Variants in IL1RAP observed in about 807,000 individuals in gnomAD.
IL1RAP encodes interleukin-1 receptor accessory protein.
A neutral mutation model predicts 60.7 loss-of-function variants in IL1RAP; 35 were observed. The observed-to-expected ratio is 0.58, with a 90% CI of 0.44 to 0.76. The LOEUF (loss-of-function observed/expected upper bound fraction) is 0.76, where lower values mean the gene tolerates loss of function less well. Among genes scored for constraint, IL1RAP ranks in the 30% least tolerant of loss-of-function variants. IL1RAP has a pLI of 0.00. For missense variants in IL1RAP, 572 were observed against 693.9 expected (o/e 0.82, Z 1.97); for synonymous variants, 268 against 250.9 (o/e 1.07, Z -0.64).
chr3:190,639,603 T>G (rs1733500785), intron 9 of IL1RAP, among the ~76,000 whole-genome samples: 1 of 152,220 alleles, frequency 6.6e-6, no homozygotes, highest in African/African-American at 2.4e-5. Context: ...TTTGTTCTGT[T>G]TTGATTAGCT....
chr3:190,629,211 T>G, intron 8 of IL1RAP, 139 bp from the exon 9 acceptor site: 1 of 594,292 alleles, frequency 1.7e-6, no homozygotes, highest in Non-Finnish European at 3.0e-6. Context: ...ATCACTGCAT[T>G]ATAGGTGGCT....
downstream of IL1RAP, among the ~76,000 whole-genome samples, chr3:190,652,932 T>C (rs979471698): frequency 1.3e-5 from 2 of 152,154 alleles, no homozygotes; most frequent in African/African-American, 2.4e-5. Flanking sequence ...GATTTTTTTT[T>C]CCAGTATATA....
exon 12 of IL1RAP, chr3:190,657,358 G>A (rs530119342): frequency 3.9e-5 from 6 of 152,288 alleles, no homozygotes; most frequent in African/African-American, 1.4e-4. Flanking sequence ...TATGTAATGG[G>A]AGAGATGTGG....
chr3:190,593,158 T>C (rs919200178), intron 3 of IL1RAP, among the ~76,000 whole-genome samples: 4 of 152,226 alleles, frequency 2.6e-5, no homozygotes, highest in African/African-American at 9.7e-5. Context: ...TTTTCCATTT[T>C]TTTTTCAAAT....
At chr3:190,615,286 G>T in intron 5 of IL1RAP, 1 of 1,262,740 alleles carries the variant, frequency 7.9e-7, no homozygotes, top group South Asian at 1.2e-5. Context: ...AATATACCAT[G>T]TGTATAAATG....
rs190398195 is a variant in IL1RAP at position 190,533,161 on chromosome 3, G to A, written c.-89+18942G>A. On this transcript the variant is annotated intron_variant, in intron 1 of 11. Coordinates refer to ENST00000447382, the MANE Select transcript of IL1RAP (RefSeq NM_002182.4). Reference sequence around the variant, plus strand: ...GGGAACCGTAGGCCCAACATGGCTCGAAAGACTTCATCCAGGATAAGTAGG... The same window carrying A: ...GGGAACCGTAGGCCCAACATGGCTCAAAAGACTTCATCCAGGATAAGTAGG... Among the ~76,000 whole-genome samples the A allele has an allele frequency of 2.0e-3, 311 of 152,268 alleles. 2 individuals carry two copies. The highest frequency in any genetic ancestry group is 7.2e-3 in the African/African-American group (300 of 41,570).
In IL1RAP at chr3:190,648,409, G is replaced by C; in HGVS notation, c.1417G>C (p.Val473Leu). 1.2e-6 allele frequency: 2 copies of C among 1,613,796 alleles called. No individual in the cohort carries two copies. The highest frequency in any genetic ancestry group is 8.5e-7 in the Non-Finnish European group (1 of 1,179,918). Residue 473 changes from valine to leucine, a missense_variant, in exon 12 of 12, where the codon GTG (valine) becomes CTG (leucine). By Grantham distance (32) the Val-to-Leu change is conservative. Coordinates refer to ENST00000447382, the MANE Select transcript of IL1RAP (RefSeq NM_002182.4). ...RLLVVLSPNY[V>L]LQGTQALLEL... is the part of the protein sequence containing the mutation. ...CCTGGTTGTTCTAAGCCCCAACTAC[G>C]TGCTCCAGGGAACCCAAGCCCTCCT...
chr3:190,569,584 CTT>C (rs3841957), intron 3 of IL1RAP, among the ~76,000 whole-genome samples: 2 of 148,424 alleles, frequency 1.3e-5, no homozygotes, highest in Non-Finnish European at 3.0e-5. Flanking sequence ...GATCTCTTCA[CTT>C]TTTTTTTTTT....
chr3:190,568,130 A>T (rs1435903118), intron 3 of IL1RAP, among the ~76,000 whole-genome samples: 2 of 152,194 alleles, frequency 1.3e-5, no homozygotes, highest in African/African-American at 4.8e-5. Flanking sequence ...CCACCCCAAA[A>T]TGCAGGCACA....
At chr3:190,636,462 C>T (rs566718961) in intron 9 of IL1RAP, among the ~76,000 whole-genome samples, 14 of 151,690 alleles carry the variant, frequency 9.2e-5, no homozygotes, top group South Asian at 2.1e-4. Flanking sequence ...GTGAAATGTC[C>T]GTTTTTTCTC....
chr3:190,584,055 C>CA (rs1560189466), intron 3 of IL1RAP, among the ~76,000 whole-genome samples: 1 of 152,174 alleles, frequency 6.6e-6, no homozygotes, highest in East Asian at 1.9e-4. Flanking sequence ...GCCGTCCCCC[C>CA]ACACCCAGTC....
At chr3:190,556,847 T>C (rs1308376150) in intron 2 of IL1RAP, among the ~76,000 whole-genome samples, 4 of 152,054 alleles carry the variant, frequency 2.6e-5, no homozygotes, top group African/African-American at 9.7e-5. Context: ...TTAATAAGAG[T>C]TGATGATAAA....
At chr3:190,615,420 A>G (rs1731183518) in intron 5 of IL1RAP, 1 of 595,552 alleles carries the variant, frequency 1.7e-6, no homozygotes, top group African/African-American at 1.9e-5. Context: ...TTGGCAGGCC[A>G]TCCTAACTTT....
At chr3:190,587,361 A>G (rs1280084246) in intron 3 of IL1RAP, among the ~76,000 whole-genome samples, 2 of 152,252 alleles carry the variant, frequency 1.3e-5, no homozygotes, top group Non-Finnish European at 2.9e-5. Context: ...AAGAGGCATT[A>G]TGAAGAGTGA....
At chr3:190,530,732 A>T (rs1722913349) in intron 1 of IL1RAP, among the ~76,000 whole-genome samples, 1 of 152,200 alleles carries the variant, frequency 6.6e-6, no homozygotes, top group African/African-American at 2.4e-5. Flanking sequence ...TCCTATAAAA[A>T]CAAATACTTA....
intron 4 of IL1RAP, among the ~76,000 whole-genome samples, chr3:190,606,328 G>A (rs1233222640): frequency 2.0e-5 from 3 of 152,198 alleles, no homozygotes; most frequent in Non-Finnish European, 4.4e-5. Flanking sequence ...TACTTAGCTG[G>A]TGACCTTAGG....
Position 190,604,110 on chromosome 3 carries a change from CTTTT to C in IL1RAP, c.65-15_65-12del. ...AAATGACTCATCTGCCCCTTTCTTT[CTTTT>C]TTGATTATTCCAGAACGCTGCGATG... is the stretch of plus-strand genomic sequence containing the variant. On this transcript the variant is annotated splice_polypyrimidine_tract_variant and intron_variant, in intron 3 of 11. Transcript: ENST00000447382. 6.2e-7 allele frequency: 1 copy of C among 1,606,606 alleles called. No homozygotes were observed. The highest frequency in any genetic ancestry group is 8.5e-7 in the Non-Finnish European group (1 of 1,176,480).
chr3:190,655,553 C>T (rs1577840364), downstream of IL1RAP, among the ~76,000 whole-genome samples: 1 of 135,654 alleles, frequency 7.4e-6, no homozygotes, highest in East Asian at 2.4e-4. Flanking sequence ...TACTCAATTG[C>T]CCACCGTGTG....
intron 1 of IL1RAP, among the ~76,000 whole-genome samples, chr3:190,550,657 A>G (rs978962469): frequency 6.6e-6 from 1 of 152,206 alleles, no homozygotes; most frequent in Non-Finnish European, 1.5e-5. Flanking sequence ...AATTGCTCAG[A>G]ACTAGAATAT....
Sources: gnomAD v4.1 joint callset for allele counts (sites outside exome capture counted in the v4.1 genomes callset) on GRCh38, gnomAD v4.1.1 for gene constraint, MANE v1.5 for transcripts, NCBI Gene and HGNC (gene_info 2026-07-23, HGNC 2026-07-21) for gene names.